CTNND2: variants seen among roughly 807,000 people sequenced by gnomAD.
CTNND2 encodes catenin delta 2, also known as catenin delta-2.
Under a neutral mutation model 144.4 loss-of-function variants are expected in CTNND2, and 22 were observed. The ratio of observed to expected loss-of-function variants is 0.15; its 90% CI spans 0.11 to 0.22. CTNND2 has a LOEUF of 0.22. Among genes scored for constraint, CTNND2 ranks in the 10% least tolerant of loss-of-function variants. The pLI is 1.00. For synonymous variants in CTNND2, 751 were observed against 695.6 expected (o/e 1.08, Z -1.25); for missense variants, 1,353 against 1,618.8 (o/e 0.84, Z 2.82).
Position 11,820,140 on chromosome 5 carries a change from A to G in CTNND2, c.37+83677T>C, listed in dbSNP as rs568741563. Among the ~76,000 whole-genome samples, 120 of 152,328 alleles carry G rather than the reference A, an allele frequency of 7.9e-4. 1 individual carries two copies. The Middle Eastern group carries it at 0.014, about 17-fold the overall frequency. ...TACTTTCTGTCTGAGATGGACTCAG[A>G]TACGAAACCCCATAGCATAACCTGT... On this transcript the variant is annotated intron_variant, in intron 1 of 21. Transcript: ENST00000304623.
intron 12 of CTNND2, among the ~76,000 whole-genome samples, chr5:11,122,222 G>A (rs1315763724): frequency 6.7e-6 from 1 of 149,624 alleles, no homozygotes; most frequent in African/African-American, 2.5e-5. Flanking sequence ...CTCATCTTGA[G>A]TTATTCGAGG....
chr5:11,733,942 C>G (rs181140514), intron 1 of CTNND2, among the ~76,000 whole-genome samples: 54 of 152,204 alleles, frequency 3.5e-4, no homozygotes, highest in Non-Finnish European at 6.0e-4. Flanking sequence ...GGTGATGGTA[C>G]TAGGAGGAGG....
intron 2 of CTNND2, among the ~76,000 whole-genome samples, chr5:11,722,622 A>G (rs1320388283): frequency 1.3e-5 from 2 of 152,212 alleles, no homozygotes; most frequent in Non-Finnish European, 2.9e-5. Flanking sequence ...GGAAGCAAAC[A>G]TGTCCTTCTT....
At chr5:11,451,464 A>G (rs1434282868) in intron 3 of CTNND2, among the ~76,000 whole-genome samples, 1 of 152,212 alleles carries the variant, frequency 6.6e-6, no homozygotes, top group African/African-American at 2.4e-5. Context: ...ATCCTCATCC[A>G]AAAATCCAAA....
chr5:10,987,007 C>G (rs1738050627), intron 20 of CTNND2, among the ~76,000 whole-genome samples: 1 of 152,202 alleles, frequency 6.6e-6, no homozygotes, highest in African/African-American at 2.4e-5. Flanking sequence ...TGCACGGCGC[C>G]CTTTGCGCCC....
At chr5:11,553,490 A>G (rs1401135181) in intron 3 of CTNND2, among the ~76,000 whole-genome samples, 1 of 152,248 alleles carries the variant, frequency 6.6e-6, no homozygotes, top group African/African-American at 2.4e-5. Flanking sequence ...GGTATGTGAG[A>G]TGGTTTACTT....
chr5:11,086,003 C>T (rs1750096511), intron 15 of CTNND2, among the ~76,000 whole-genome samples: 1 of 152,222 alleles, frequency 6.6e-6, no homozygotes, highest in Admixed American at 6.5e-5. Flanking sequence ...CTGGGGAGGG[C>T]TGGGAGGATT....
At chr5:11,797,318 C>A (rs6861960) in intron 1 of CTNND2, among the ~76,000 whole-genome samples, 148,650 of 152,264 alleles carry the variant, frequency 0.98, 72,651 homozygotes, top group East Asian at 1. Context: ...CACTTGCCTG[C>A]GTCTCACCAC....
intron 2 of CTNND2, among the ~76,000 whole-genome samples, chr5:11,653,859 A>G (rs776929018): frequency 2.6e-5 from 4 of 151,858 alleles, no homozygotes; most frequent in Non-Finnish European, 5.9e-5. Flanking sequence ...TTCTTCCAGA[A>G]TTGTTACATT....
chr5:11,415,334 T>C (rs1364469237), intron 3 of CTNND2, among the ~76,000 whole-genome samples: 3 of 152,202 alleles, frequency 2.0e-5, no homozygotes, highest in African/African-American at 7.2e-5. Flanking sequence ...CCTCTAACCC[T>C]GGCTCATGCT....
intron 1 of CTNND2, among the ~76,000 whole-genome samples, chr5:11,839,922 T>C (rs559358140): frequency 1.3e-5 from 2 of 152,168 alleles, no homozygotes; most frequent in South Asian, 2.1e-4. Context: ...AAGAGAAAGA[T>C]AACTAAACTT....
intron 1 of CTNND2, among the ~76,000 whole-genome samples, chr5:11,743,065 T>C (rs1208815606): frequency 2.0e-5 from 3 of 152,192 alleles, no homozygotes; most frequent in Non-Finnish European, 2.9e-5. Context: ...TTATCGCTTA[T>C]CATAATATAA....
At chr5:11,158,283 A>G (rs1385934019) in intron 12 of CTNND2, among the ~76,000 whole-genome samples, 1 of 152,210 alleles carries the variant, frequency 6.6e-6, no homozygotes, top group East Asian at 1.9e-4. Flanking sequence ...AGTTCAGAAG[A>G]GCCTACAATT....
intron 1 of CTNND2, among the ~76,000 whole-genome samples, chr5:11,878,574 T>C (rs527462501): frequency 6.6e-6 from 1 of 152,372 alleles, no homozygotes; most frequent in East Asian, 1.9e-4. Context: ...TTCTAAGGCT[T>C]GAACAGCTGG....
chr5:11,610,976 G>A (rs1477138036), intron 2 of CTNND2, among the ~76,000 whole-genome samples: 2 of 152,178 alleles, frequency 1.3e-5, no homozygotes, highest in Non-Finnish European at 2.9e-5. Context: ...TAGATGATAT[G>A]GTTTGGCTGT....
intron 15 of CTNND2, among the ~76,000 whole-genome samples, chr5:11,097,011 G>C (rs1448062613): frequency 6.6e-6 from 1 of 152,108 alleles, no homozygotes; most frequent in Non-Finnish European, 1.5e-5. Context: ...ACAGTGTCTT[G>C]GCCTATCACA....
chr5:11,396,610 T>C (rs1240020758), intron 6 of CTNND2, among the ~76,000 whole-genome samples: 2 of 152,208 alleles, frequency 1.3e-5, no homozygotes, highest in African/African-American at 4.8e-5. Flanking sequence ...TTTCTTTATA[T>C]TGATATCAAA....
Position 11,904,212 on chromosome 5 carries a change from G to T in CTNND2, c.-359C>A, listed in dbSNP as rs1231605718. ...GCCGCGCCCGCAGCTCCGCTCAGCCGGCTGTCGCCGCGGGCGCGAGCCTGG... is the reference window on the plus strand; with the variant it reads ...GCCGCGCCCGCAGCTCCGCTCAGCCTGCTGTCGCCGCGGGCGCGAGCCTGG... On this transcript the variant is annotated 5_prime_UTR_variant, in exon 1 of 22. Coordinates refer to ENST00000304623, the MANE Select transcript of CTNND2 (RefSeq NM_001332.4). The surrounding 1 kb of genome is among the most constrained non-coding windows in gnomAD (Gnocchi z 4.2). Among the ~76,000 whole-genome samples the T allele has an allele frequency of 2.8e-5, 4 of 145,256 alleles. No individual in the cohort carries two copies. In the East Asian group the frequency reaches 8.2e-4, roughly 30 times the overall value.
chr5:11,310,516 T>C (rs1750685842), intron 9 of CTNND2, among the ~76,000 whole-genome samples: 2 of 152,084 alleles, frequency 1.3e-5, no homozygotes, highest in East Asian at 3.9e-4. Context: ...TTAAAATCAC[T>C]GTAATCTTCC....
Sources: gnomAD v4.1 joint callset for allele counts (sites outside exome capture counted in the v4.1 genomes callset) on GRCh38, gnomAD v4.1.1 for gene constraint, Gnocchi (gnomAD v3.1) non-coding constraint, MANE v1.5 for transcripts, NCBI Gene and HGNC (gene_info 2026-07-23, HGNC 2026-07-21) for gene names.